Variants in CRYBG1 observed in about 807,000 individuals in gnomAD.
The protein encoded by CRYBG1 is crystallin beta-gamma domain containing 1.
In CRYBG1, 139 loss-of-function variants were observed where a neutral mutation model predicts 189.2. The ratio of observed to expected loss-of-function variants is 0.73; its 90% CI spans 0.64 to 0.85. CRYBG1 has a LOEUF of 0.85. CRYBG1 is among the 40% of genes least tolerant of loss of function. The pLI is 0.00. For synonymous variants in CRYBG1, 1,023 were observed against 1,017.1 expected (o/e 1.01, Z -0.11); for missense variants, 2,611 against 2,675.8 (o/e 0.98, Z 0.53).
chr6:106,528,332 G>A (rs142398442), intron 7 of CRYBG1, among the ~76,000 whole-genome samples: 38 of 152,204 alleles, frequency 2.5e-4, no homozygotes, highest in African/African-American at 8.4e-4. Context: ...CCTCATTAGT[G>A]GAATATTTTG....
chr6:106,361,383 G>T (rs1771866238), intron 1 of CRYBG1, among the ~76,000 whole-genome samples: 1 of 152,228 alleles, frequency 6.6e-6, no homozygotes, highest in South Asian at 2.1e-4. Flanking sequence ...GCTAACCAGA[G>T]CGGCGGGGAG....
At chr6:106,557,892 T>C (rs1231839897) in intron 17 of CRYBG1, among the ~76,000 whole-genome samples, 1 of 152,266 alleles carries the variant, frequency 6.6e-6, no homozygotes, top group Non-Finnish European at 1.5e-5. Flanking sequence ...CTCTTTAAAA[T>C]GATTGACAGT....
intron 1 of CRYBG1, among the ~76,000 whole-genome samples, chr6:106,379,005 G>A (rs896235616): frequency 6.6e-6 from 1 of 151,952 alleles, no homozygotes; most frequent in African/African-American, 2.4e-5. Flanking sequence ...AAAATAGCCA[G>A]GCTTGGTGGC....
chr6:106,479,973 G>A (rs1772409400), intron 2 of CRYBG1, among the ~76,000 whole-genome samples: 1 of 151,904 alleles, frequency 6.6e-6, no homozygotes. Flanking sequence ...GGTGTCATAA[G>A]AAGCCATTGT....
intron 2 of CRYBG1, among the ~76,000 whole-genome samples, chr6:106,461,080 C>T (rs375102070): frequency 6.0e-5 from 5 of 82,968 alleles, no homozygotes; most frequent in African/African-American, 2.0e-4. Context: ...CCACCGTGCC[C>T]GACCTTTGAT....
intron 1 of CRYBG1, among the ~76,000 whole-genome samples, chr6:106,422,340 A>ATTTTTTTTTTTTTTTTTTTTTT (rs747540246): frequency 1.5e-5 from 1 of 68,282 alleles, no homozygotes; most frequent in African/African-American, 4.6e-5. Flanking sequence ...TTATTTATTT[A>ATTTTTTTTTTTTTTTTTTTTTT]TTTATTTTTG....
At chr6:106,456,595 GA>G (rs1201126196) in intron 2 of CRYBG1, among the ~76,000 whole-genome samples, 1 of 152,160 alleles carries the variant, frequency 6.6e-6, no homozygotes, top group African/African-American at 2.4e-5. Flanking sequence ...TGAGGTAGCA[GA>G]GAGGAAAAAA....
chr6:106,412,342 C>A (rs1308227676), intron 1 of CRYBG1, among the ~76,000 whole-genome samples: 3 of 152,220 alleles, frequency 2.0e-5, no homozygotes, highest in Admixed American at 6.5e-5. Context: ...CTTTAAAATT[C>A]TCTTTCTTGC....
intron 2 of CRYBG1, among the ~76,000 whole-genome samples, chr6:106,466,110 GT>G (rs1772109717): frequency 6.6e-6 from 1 of 152,180 alleles, no homozygotes; most frequent in Non-Finnish European, 1.5e-5. Context: ...TTGCAAATGA[GT>G]TGTCTTCTCT....
At chr6:106,500,123 T>A (rs1038841352) in intron 2 of CRYBG1, among the ~76,000 whole-genome samples, 4 of 152,250 alleles carry the variant, frequency 2.6e-5, no homozygotes, top group African/African-American at 9.6e-5. Flanking sequence ...AATGCTGCAA[T>A]GAACACAGGG....
At chr6:106,510,951 G>A (rs530636057) in intron 2 of CRYBG1, among the ~76,000 whole-genome samples, 1 of 152,166 alleles carries the variant, frequency 6.6e-6, no homozygotes, top group Admixed American at 6.5e-5. Flanking sequence ...AGGCTGCTAG[G>A]ACTGGTTTTT....
At chr6:106,401,411 C>A (rs63315760) in intron 1 of CRYBG1, among the ~76,000 whole-genome samples, 1 of 36,268 alleles carries the variant, frequency 2.8e-5, no homozygotes, top group East Asian at 3.8e-3. Context: ...TTTTAATTTT[C>A]TTTTTTTATT....
intron 13 of CRYBG1, among the ~76,000 whole-genome samples, chr6:106,548,879 G>A (rs1029437095): frequency 4.1e-5 from 6 of 147,574 alleles, no homozygotes; most frequent in African/African-American, 5.0e-5. Context: ...ATCTCCTAAT[G>A]CTATCCCTCC....
chr6:106,393,216 A>G (rs183014752), intron 1 of CRYBG1, among the ~76,000 whole-genome samples: 2 of 152,354 alleles, frequency 1.3e-5, no homozygotes, highest in Admixed American at 1.3e-4. Context: ...GAGATGGAAC[A>G]TGGAGGAGCT....
chr6:106,470,927 A>G (rs1772221205), intron 2 of CRYBG1, among the ~76,000 whole-genome samples: 1 of 152,158 alleles, frequency 6.6e-6, no homozygotes, highest in Non-Finnish European at 1.5e-5. Flanking sequence ...CTCAATAAAG[A>G]ATCCTGGAAT....
intron 20 of CRYBG1, among the ~76,000 whole-genome samples, chr6:106,563,110 T>A (rs1774773765): frequency 6.6e-6 from 1 of 152,234 alleles, no homozygotes; most frequent in African/African-American, 2.4e-5. Context: ...TTTTTGTTAA[T>A]GGCATGTGAA....
At chr6:106,467,908 C>G (rs879485358) in intron 2 of CRYBG1, among the ~76,000 whole-genome samples, 2 of 152,106 alleles carry the variant, frequency 1.3e-5, no homozygotes, top group African/African-American at 2.4e-5. Context: ...TTTTTAAGTA[C>G]TTCTGGCCTC....
At chr6:106,495,276 T>G (rs1279069413) in intron 2 of CRYBG1, among the ~76,000 whole-genome samples, 1 of 151,932 alleles carries the variant, frequency 6.6e-6, no homozygotes, top group Non-Finnish European at 1.5e-5. Context: ...CTCACCAGGG[T>G]ATGCTGGAAG....
chr6:106,486,481 TTTG>T (rs530194128), intron 2 of CRYBG1, among the ~76,000 whole-genome samples: 90 of 152,184 alleles, frequency 5.9e-4, no homozygotes, highest in African/African-American at 2.0e-3. Flanking sequence ...TATGACATAG[TTTG>T]TTGATTTTTC....
Sources: allele counts gnomAD v4.1 joint callset (sites outside exome capture counted in the v4.1 genomes callset), GRCh38; gene constraint gnomAD v4.1.1; transcripts MANE v1.5; gene names NCBI Gene and HGNC (gene_info 2026-07-23, HGNC 2026-07-21).